The following DYSF variants were observed in gnomAD, a reference collection of about 807,000 sequenced individuals.
DYSF encodes dystrophy-associated fer-1-like 1.
In DYSF, 212 loss-of-function variants were observed where a neutral mutation model predicts 274.9. The ratio of observed to expected loss-of-function variants is 0.77; its 90% CI spans 0.69 to 0.86. The LOEUF (loss-of-function observed/expected upper bound fraction) is 0.86. Among genes scored for constraint, DYSF ranks in the 40% least tolerant of loss-of-function variants. The pLI is 0.00. For synonymous variants in DYSF, 1,091 were observed against 1,078.7 expected, an observed-to-expected ratio of 1.01 and a Z score of -0.22; for missense variants, 2,666 against 2,783.2, an observed-to-expected ratio of 0.96 and a Z score of 0.95.
intron 41 of DYSF, among the ~76,000 whole-genome samples, chr2:71,625,132 T>C (rs2094184912): frequency 7.2e-6 from 1 of 138,908 alleles, no homozygotes; most frequent in African/African-American, 2.8e-5. Context: ...TTATAATAGA[T>C]TAGTTTCTTT....
chr2:71,481,046 G>T, intron 2 of DYSF, 108 bp downstream of exon 2: 1 of 1,115,412 alleles, frequency 9.0e-7, no homozygotes, highest in Non-Finnish European at 1.4e-6. Flanking sequence ...TGTCCTTGAG[G>T]TGGGGAGGGG....
chr2:71,582,657 C>T (rs2092933672), intron 30 of DYSF, among the ~76,000 whole-genome samples: 1 of 152,060 alleles, frequency 6.6e-6, no homozygotes, highest in African/African-American at 2.4e-5. Flanking sequence ...AACCAGGTCT[C>T]CAGAACAAAA....
chr2:71,658,321 A>G (rs2152940215), intron 43 of DYSF, among the ~76,000 whole-genome samples: 1 of 152,346 alleles, frequency 6.6e-6, no homozygotes, highest in African/African-American at 2.4e-5. Flanking sequence ...GGGCAAAGCC[A>G]TTAAACAAGT....
intron 10 of DYSF, among the ~76,000 whole-genome samples, chr2:71,518,126 G>C (rs2086850113): frequency 6.6e-6 from 1 of 152,184 alleles, no homozygotes; most frequent in East Asian, 1.9e-4. Context: ...CCCTGCCCCA[G>C]CCTCCTCACT....
At chr2:71,460,882 G>A (rs1038353053) in intron 1 of DYSF, among the ~76,000 whole-genome samples, 1 of 151,554 alleles carries the variant, frequency 6.6e-6, no homozygotes, top group Non-Finnish European at 1.5e-5. Flanking sequence ...TGGAGCTGGG[G>A]TAGGGTGGGG....
chr2:71,532,469 G>A (rs2088839525), intron 14 of DYSF, among the ~76,000 whole-genome samples: 1 of 152,230 alleles, frequency 6.6e-6, no homozygotes, highest in African/African-American at 2.4e-5. Context: ...GAAGCAGCAT[G>A]GTGTGGCCCT....
intron 3 of DYSF, among the ~76,000 whole-genome samples, chr2:71,487,056 G>A (rs576394523): frequency 5.9e-5 from 9 of 152,190 alleles, no homozygotes; most frequent in Non-Finnish European, 1.2e-4. Context: ...GGCAAGGTCT[G>A]TGCAGCATCA....
chr2:71,615,893 T>C lies in DYSF; in HGVS notation c.4464+2483T>C, dbSNP rs1308694466. On this transcript the variant is annotated intron_variant, in intron 40 of 55. Transcript: ENST00000410020. This position sits in a 1 kb window ranked among gnomAD's most constrained non-coding sequence, Gnocchi z 4.9. The stretch of plus-strand genomic sequence containing the variant: ...CAGCCTGTTCCATCCTCACAGTTGA[T>C]GCAGCCCTGGCTGGTGCTGGATGTG... Among the ~76,000 whole-genome samples, 9 of 152,214 alleles carry C rather than the reference T, an allele frequency of 5.9e-5. No homozygotes were observed. The highest frequency in any genetic ancestry group is 1.2e-4 in the African/African-American group (5 of 41,464).
intron 8 of DYSF, 47 bp from the exon 9 acceptor site, chr2:71,516,132 GA>G (rs1335020700): frequency 6.3e-7 from 1 of 1,590,918 alleles, no homozygotes. Context: ...TCCCTGGCCT[GA>G]GGGATCAGCA....
chr2:71,642,696 GTGTGT>G (rs1558704288), intron 41 of DYSF, among the ~76,000 whole-genome samples: 1 of 152,194 alleles, frequency 6.6e-6, no homozygotes, highest in Non-Finnish European at 1.5e-5. Flanking sequence ...GCCACACAAG[GTGTGT>G]TAGGACCACA....
intron 32 of DYSF, among the ~76,000 whole-genome samples, chr2:71,595,638 G>A (rs773754186): frequency 5.9e-5 from 9 of 152,308 alleles, no homozygotes; most frequent in Middle Eastern, 3.4e-3. Flanking sequence ...CTAAGGAATC[G>A]TCTGCCTGAG....
intron 4 of DYSF, among the ~76,000 whole-genome samples, chr2:71,510,872 G>C (rs187832220): frequency 6.6e-6 from 1 of 152,392 alleles, no homozygotes; most frequent in East Asian, 1.9e-4. Context: ...TTGTTTGAAA[G>C]ATTGGAGAGA....
In DYSF at chr2:71,553,776, C is replaced by T. The variant is rs13424178; in HGVS notation, c.1985-31C>T. The T allele has an allele frequency of 1.3e-5, 9 of 675,280 alleles. No homozygotes were observed. In the African/African-American group the frequency reaches 1.8e-4, roughly 14 times the overall value. The allele number at this position is 675,280 out of a possible 1,614,324, so 41.8% of individuals were successfully genotyped here. On this transcript the variant is annotated intron_variant, in intron 20 of 55. Transcript: ENST00000410020. The stretch of plus-strand genomic sequence containing the variant: ...CATCCCACCCGCCCTCCACTCCTGG[C>T]ACAGCGCTCAGGCCCGTCTCTCCAT...
chr2:71,480,852 C>G (rs762012806), intron 1 of DYSF, 31 bp from the exon 2 acceptor site: 2 of 1,605,498 alleles, frequency 1.2e-6, no homozygotes, highest in Non-Finnish European at 1.7e-6. Context: ...CGGGATGTGT[C>G]TCTCCATTCT....
intron 47 of DYSF, among the ~76,000 whole-genome samples, chr2:71,666,910 G>T (rs1413211714): frequency 6.6e-6 from 1 of 152,212 alleles, no homozygotes; most frequent in Non-Finnish European, 1.5e-5. Flanking sequence ...TCCTGCTCTG[G>T]AAGTGTTTGC....
Position 71,525,397 on chromosome 2 carries a change from T to C in DYSF, c.1150-823T>C, listed in dbSNP as rs1359763837. 2.0e-5 allele frequency among the ~76,000 whole-genome samples: 3 copies of C among 152,008 alleles called. No individual in the cohort carries two copies. The East Asian group carries it at 5.8e-4, about 29-fold the overall frequency. The stretch of plus-strand genomic sequence containing the variant: ...TGCCACCATGCCTGGCTAATTTTTG[T>C]ATTATTTGGTAGAGACAGGGTTTCC... On this transcript the variant is annotated intron_variant, in intron 12 of 55. Coordinates refer to ENST00000410020, the MANE Select transcript of DYSF (RefSeq NM_001130987.2).
intron 41 of DYSF, among the ~76,000 whole-genome samples, chr2:71,633,147 G>A (rs996693655): frequency 2.6e-5 from 4 of 152,190 alleles, no homozygotes; most frequent in Non-Finnish European, 5.9e-5. Context: ...TGTTATAAGT[G>A]TGTGGAGTTC....
At chr2:71,559,336 C>T (rs1435521403) in intron 22 of DYSF, among the ~76,000 whole-genome samples, 1 of 151,922 alleles carries the variant, frequency 6.6e-6, no homozygotes, top group East Asian at 1.9e-4. Flanking sequence ...TGACTGCCCT[C>T]CTCCTCTTTT....
intron 40 of DYSF, among the ~76,000 whole-genome samples, chr2:71,617,879 G>GGT (rs756123529): frequency 0.03 from 602 of 20,158 alleles, 17 homozygotes; most frequent in South Asian, 0.039. Flanking sequence ...GTAGAGGTGG[G>GGT]GTGTGTGTGG....
Sources: allele counts gnomAD v4.1 joint callset (sites outside exome capture counted in the v4.1 genomes callset), GRCh38; gene constraint gnomAD v4.1.1; non-coding constraint Gnocchi (gnomAD v3.1); transcripts MANE v1.5; gene names NCBI Gene and HGNC (gene_info 2026-07-23, HGNC 2026-07-21).